TTC34: variants seen among roughly 807,000 people sequenced by gnomAD.
The protein encoded by TTC34 is tetratricopeptide repeat protein 34.
TTC34 carries 44 observed loss-of-function variants against 40.7 expected under a neutral mutation model. The observed-to-expected ratio is 1.08, with a 90% CI of 0.85 to 1.39. The LOEUF (loss-of-function observed/expected upper bound fraction) is 1.39, where lower values mean the gene tolerates loss of function less well. Among genes scored for constraint, TTC34 ranks in the 40% most tolerant of loss-of-function variants. The pLI, the probability that TTC34 is intolerant of heterozygous loss-of-function variation, is 0.00. For missense variants in TTC34, 884 were observed against 838.0 expected (o/e 1.05, Z -0.68); for synonymous variants, 422 against 398.6 (o/e 1.06, Z -0.70).
At chr1:2,677,912 G>T (rs1244577977) in intron 6 of TTC34, among the ~76,000 whole-genome samples, 4 of 34,548 alleles carry the variant, frequency 1.2e-4, no homozygotes, top group Non-Finnish European at 1.9e-4. Flanking sequence ...GCATCTGACA[G>T]CCTGGAGCAG....
intron 6 of TTC34, among the ~76,000 whole-genome samples, chr1:2,695,955 C>A (rs1344495589): frequency 7.9e-6 from 1 of 126,706 alleles, no homozygotes. Context: ...AGTACCCACA[C>A]CCACAGTTGA....
At chr1:2,775,945 G>A (rs1251219188) in intron 6 of TTC34, 1 of 100,848 alleles carries the variant, frequency 9.9e-6, no homozygotes, top group Non-Finnish European at 1.9e-5. Flanking sequence ...GGGGGTTAAG[G>A]GTGGTGTTCC....
At chr1:2,683,467 C>G (rs200941717) in intron 6 of TTC34, among the ~76,000 whole-genome samples, 2 of 151,032 alleles carry the variant, frequency 1.3e-5, no homozygotes, top group African/African-American at 2.4e-5. Flanking sequence ...GGAGCAGCAC[C>G]CACACCACCA....
intron 6 of TTC34, among the ~76,000 whole-genome samples, chr1:2,767,828 C>T (rs1489542429): frequency 1.1e-4 from 16 of 146,656 alleles, no homozygotes; most frequent in South Asian, 4.5e-4. Flanking sequence ...CATCTGACAG[C>T]CTGGAGCAGC....
intron 3 of TTC34, 106 bp from the exon 4 acceptor site, chr1:2,787,812 C>G: frequency 1.0e-6 from 1 of 977,732 alleles, no homozygotes; most frequent in Non-Finnish European, 1.5e-6. Flanking sequence ...CTGGCCTGGG[C>G]AGCTCCCTCC....
At chr1:2,757,629 AC>A (rs1641549941) in intron 6 of TTC34, among the ~76,000 whole-genome samples, 2 of 145,092 alleles carry the variant, frequency 1.4e-5, no homozygotes, top group African/African-American at 2.6e-5. Context: ...CAGCACCCAC[AC>A]CCCCAGGTGA....
intron 6 of TTC34, among the ~76,000 whole-genome samples, chr1:2,656,101 G>T (rs573276164): frequency 1.3e-5 from 2 of 152,210 alleles, no homozygotes; most frequent in African/African-American, 4.8e-5. Context: ...ACACACAGAG[G>T]TGAGCATCTG....
At chr1:2,750,736 A>C (rs1641291855) in intron 6 of TTC34, among the ~76,000 whole-genome samples, 40 of 142,708 alleles carry the variant, frequency 2.8e-4, no homozygotes, top group Middle Eastern at 4.1e-3. Context: ...CCCCCAGGTG[A>C]GCATCTGATG....
At position 2,694,152 on chromosome 1, in the gene TTC34, C is replaced by G. The variant is rs1176530233; in HGVS notation, c.2227-48589G>C. 2.5e-3 allele frequency among the ~76,000 whole-genome samples: 342 copies of G among 134,782 alleles called. 2 individuals carry two copies. Among genetic ancestry groups the G allele is most frequent in the African/African-American group, 8.4e-3 (288 of 34,296 alleles). 88.4% of individuals were successfully genotyped at this position (134,782 alleles called of 152,430 possible). ...CAGCCTGGAACAGCACACACACCCC[C>G]AGGCGAGCATCTGACGGCCTGGAAC... On this transcript the variant is annotated intron_variant, in intron 6 of 8. Coordinates refer to ENST00000401095, the Ensembl canonical transcript of TTC34.
chr1:2,652,951 G>C (rs959354549), intron 6 of TTC34, among the ~76,000 whole-genome samples: 1 of 151,988 alleles, frequency 6.6e-6, no homozygotes, highest in African/African-American at 2.4e-5. Flanking sequence ...CTGACAGCCT[G>C]GAGCAGTGCC....
intron 6 of TTC34, among the ~76,000 whole-genome samples, chr1:2,759,659 GCCTGGAGCAGC>G (rs1641627528): frequency 6.7e-6 from 1 of 150,254 alleles, no homozygotes; most frequent in African/African-American, 2.5e-5. Flanking sequence ...GCATTCGACA[GCCTGGAGCAGC>G]ACCAACAACC....
chr1:2,749,838 C>T (rs1276683685), intron 6 of TTC34, among the ~76,000 whole-genome samples: 116 of 105,448 alleles, frequency 1.1e-3, no homozygotes, highest in East Asian at 1.4e-3. Context: ...TGGAACAGCA[C>T]CCACACCCCC....
At chr1:2,771,437 C>G (rs866005272) in intron 6 of TTC34, among the ~76,000 whole-genome samples, 1 of 76,484 alleles carries the variant, frequency 1.3e-5, no homozygotes, top group Non-Finnish European at 2.3e-5. Context: ...AAAACAGCAC[C>G]CTGCAACCCC....
At chr1:2,769,498 G>A (rs1280869092) in intron 6 of TTC34, among the ~76,000 whole-genome samples, 1 of 88,554 alleles carries the variant, frequency 1.1e-5, no homozygotes, top group Non-Finnish European at 2.1e-5. Flanking sequence ...TCCTGGAACA[G>A]CACCCCACAC....
chr1:2,790,133 T>G (rs1278212518), exon 3 of TTC34: 1 of 398,142 alleles, frequency 2.5e-6, no homozygotes, highest in Non-Finnish European at 4.4e-6. Flanking sequence ...CACGGCTTCC[T>G]GGAAGCGGGC....
At chr1:2,677,843 C>A (rs1218056687) in intron 6 of TTC34, among the ~76,000 whole-genome samples, 2 of 37,700 alleles carry the variant, frequency 5.3e-5, no homozygotes, top group Non-Finnish European at 9.3e-5. Context: ...TCTGGAGCAG[C>A]ACCCACACCC....
chr1:2,648,158 T>C (rs1639056896), intron 6 of TTC34, among the ~76,000 whole-genome samples: 1 of 151,402 alleles, frequency 6.6e-6, no homozygotes, highest in South Asian at 2.1e-4. Context: ...TTCTATGAAG[T>C]ACTTCTTCTC....
intron 6 of TTC34, among the ~76,000 whole-genome samples, chr1:2,755,937 C>A (rs1641490246): frequency 2.6e-5 from 2 of 77,900 alleles, no homozygotes; most frequent in South Asian, 6.1e-4. Flanking sequence ...TGGAGCAGCA[C>A]CCTGCACCCC....
rs1186501597 is a variant in TTC34, at chr1:2,751,386, G to T, written c.2226+32223C>A. On this transcript the variant is annotated intron_variant, in intron 6 of 8. Transcript: ENST00000401095. ...CCACACCCCCAGGTGCGCATCTGATGGTCTGGAGCAGCACCCACACACACA... is the reference window on the plus strand; with the variant it reads ...CCACACCCCCAGGTGCGCATCTGATTGTCTGGAGCAGCACCCACACACACA... 4.8e-4 allele frequency among the ~76,000 whole-genome samples: 59 copies of T among 121,988 alleles called. 2 individuals are homozygous for T. Among genetic ancestry groups the T allele is most frequent in the East Asian group, 1.6e-3 (6 of 3,788 alleles). The allele number at this position is 121,988 out of a possible 152,430, so 80.0% of individuals were successfully genotyped here.
Sources: allele counts gnomAD v4.1 joint callset (sites outside exome capture counted in the v4.1 genomes callset), GRCh38; gene constraint gnomAD v4.1.1; transcripts MANE v1.5; gene names NCBI Gene and HGNC (gene_info 2026-07-23, HGNC 2026-07-21).